PSD3: variants seen among roughly 807,000 people sequenced by gnomAD.
PSD3 encodes PH and SEC7 domain-containing protein 3.
A neutral mutation model predicts 105.5 loss-of-function variants in PSD3; 49 were observed. That is an observed-to-expected ratio of 0.46 (90% CI 0.37 to 0.59). The LOEUF is 0.59. Ranked by LOEUF, PSD3 falls within the 20% of genes least tolerant of loss-of-function variation. PSD3 has a pLI of 0.00. For synonymous variants in PSD3, 557 were observed against 457.8 expected (o/e 1.22, Z -2.77); for missense variants, 1,561 against 1,263.8 (o/e 1.24, Z -3.57).
chr8:18,876,139 C>A (rs1444060726), intron 2 of PSD3, among the ~76,000 whole-genome samples: 2 of 152,090 alleles, frequency 1.3e-5, no homozygotes, highest in African/African-American at 2.4e-5. Flanking sequence ...GGTTCCCAGG[C>A]TGGTCTCAAA....
At chr8:18,906,670 A>T (rs1373412498) in intron 2 of PSD3, among the ~76,000 whole-genome samples, 2 of 152,232 alleles carry the variant, frequency 1.3e-5, no homozygotes, top group Admixed American at 1.3e-4. Flanking sequence ...AATTGAACTA[A>T]GAAAAATTAG....
At chr8:18,805,675 G>A (rs1223443739) in intron 4 of PSD3, among the ~76,000 whole-genome samples, 1 of 151,772 alleles carries the variant, frequency 6.6e-6, no homozygotes, top group Non-Finnish European at 1.5e-5. Flanking sequence ...ATCACACATT[G>A]GTTATCTGCA....
At chr8:18,647,007 G>A (rs10435704) in intron 10 of PSD3, among the ~76,000 whole-genome samples, 2,093 of 152,246 alleles carry the variant, frequency 0.014, 20 homozygotes, top group South Asian at 0.025. Flanking sequence ...TAATCCCATT[G>A]CCTCTATCAT....
At chr8:18,648,366 T>G (rs965428772) in intron 10 of PSD3, among the ~76,000 whole-genome samples, 13 of 152,210 alleles carry the variant, frequency 8.5e-5, no homozygotes, top group African/African-American at 3.1e-4. Context: ...AGGTTATGTT[T>G]GTTATGCGGA....
intron 1 of PSD3, among the ~76,000 whole-genome samples, chr8:18,954,427 T>C (rs1823429534): frequency 6.6e-6 from 1 of 152,156 alleles, no homozygotes; most frequent in East Asian, 1.9e-4. Context: ...GTTGAGGTAC[T>C]CATTCATTTT....
At chr8:18,864,491 C>T (rs1181244585) in intron 4 of PSD3, among the ~76,000 whole-genome samples, 1 of 152,170 alleles carries the variant, frequency 6.6e-6, no homozygotes, top group African/African-American at 2.4e-5. Flanking sequence ...TAGCGACTAA[C>T]ACTTTATACA....
chr8:19,000,947 G>A (rs1365602), intron 1 of PSD3: 106,125 of 151,574 alleles, frequency 0.7, 38,002 homozygotes, highest in East Asian at 0.91. Flanking sequence ...GCATAAGTGG[G>A]GATTGGTCAT....
Position 18,853,720 on chromosome 8 carries a change from C to T in PSD3, c.1634+13954G>A, listed in dbSNP as rs576362764. On this transcript the variant is annotated intron_variant, in intron 4 of 15. Coordinates refer to ENST00000327040, the MANE Select transcript of PSD3 (RefSeq NM_015310.4). ...AGCCTTGTGCAGTAGTCATTACGGA[C>T]CCCACTACATGACTAAGCTCAAATT... is the stretch of plus-strand genomic sequence containing the variant. Among the ~76,000 whole-genome samples, 170 of 152,254 alleles carry T rather than the reference C, an allele frequency of 1.1e-3. 1 individual carries two copies. The highest frequency in any genetic ancestry group is 3.9e-3 in the African/African-American group (163 of 41,552).
chr8:18,711,726 G>C (rs1194906807), intron 9 of PSD3, among the ~76,000 whole-genome samples: 1 of 152,102 alleles, frequency 6.6e-6, no homozygotes, highest in African/African-American at 2.4e-5. Context: ...ATCGTCAAGA[G>C]AGAAAATTAA....
At chr8:18,592,393 A>T (rs1803677391) in intron 12 of PSD3, among the ~76,000 whole-genome samples, 1 of 152,086 alleles carries the variant, frequency 6.6e-6, no homozygotes, top group African/African-American at 2.4e-5. Flanking sequence ...CATTATGCAG[A>T]CCAACACATT....
At chr8:18,844,891 G>A (rs558072778) in intron 4 of PSD3, among the ~76,000 whole-genome samples, 5 of 152,276 alleles carry the variant, frequency 3.3e-5, no homozygotes, top group Middle Eastern at 3.4e-3. Flanking sequence ...GCTGGGATCC[G>A]AAACAAGTGT....
At chr8:18,684,904 T>C (rs1445544257) in intron 9 of PSD3, among the ~76,000 whole-genome samples, 1 of 152,106 alleles carries the variant, frequency 6.6e-6, no homozygotes, top group Non-Finnish European at 1.5e-5. Context: ...AAACTGGAGA[T>C]TACTAGAAAA....
At chr8:18,850,711 G>A (rs1815495019) in intron 4 of PSD3, among the ~76,000 whole-genome samples, 1 of 152,096 alleles carries the variant, frequency 6.6e-6, no homozygotes, top group South Asian at 2.1e-4. Context: ...TGCACAAAAA[G>A]GTCTTGTAGC....
In PSD3 at chr8:18,781,357, A is replaced by C. The variant is rs2129445279; in HGVS notation, c.2083-15819T>G. 1.3e-5 allele frequency among the ~76,000 whole-genome samples: 2 copies of C among 152,292 alleles called. 1 individual carries two copies. On this transcript the variant is annotated intron_variant, in intron 8 of 15. Coordinates refer to ENST00000327040, the MANE Select transcript of PSD3 (RefSeq NM_015310.4). ...TGGCATATAAGCCCTAGGTCTTGGG[A>C]GTAAAGGCACAGGGATCCACCATCT...
chr8:18,667,235 A>C (rs1220907154), intron 9 of PSD3, among the ~76,000 whole-genome samples: 1 of 152,072 alleles, frequency 6.6e-6, no homozygotes, highest in African/African-American at 2.4e-5. Flanking sequence ...CAGAGAACTG[A>C]TTGGTCCATT....
At chr8:18,756,189 C>A (rs1040319114) in intron 9 of PSD3, among the ~76,000 whole-genome samples, 1 of 152,064 alleles carries the variant, frequency 6.6e-6, no homozygotes, top group Non-Finnish European at 1.5e-5. Flanking sequence ...AAGAACTCAC[C>A]TACTCTAGGC....
intron 1 of PSD3, among the ~76,000 whole-genome samples, chr8:19,006,310 A>G (rs144320982): frequency 6.7e-6 from 1 of 149,736 alleles, no homozygotes; most frequent in East Asian, 1.9e-4. Context: ...AAAAAAAAAA[A>G]AAAGAATATA....
intron 7 of PSD3, among the ~76,000 whole-genome samples, chr8:18,800,627 AG>A (rs1181507097): frequency 6.6e-6 from 1 of 152,234 alleles, no homozygotes; most frequent in Non-Finnish European, 1.5e-5. Flanking sequence ...TTCACAAGGT[AG>A]GTCCACAAAC....
chr8:18,931,021 T>G (rs1307883957), intron 2 of PSD3, among the ~76,000 whole-genome samples: 1 of 152,214 alleles, frequency 6.6e-6, no homozygotes. Context: ...TGGTTTTCAT[T>G]TCCATTTCCC....
Sources: allele counts gnomAD v4.1 joint callset (sites outside exome capture counted in the v4.1 genomes callset), GRCh38; gene constraint gnomAD v4.1.1; transcripts MANE v1.5; gene names NCBI Gene and HGNC (gene_info 2026-07-23, HGNC 2026-07-21).